The following CDCA2 variants were observed in gnomAD, a reference collection of about 807,000 sequenced individuals.
CDCA2 encodes cell division cycle-associated protein 2.
Under a neutral mutation model 67.0 loss-of-function variants are expected in CDCA2, and 44 were observed. The observed-to-expected ratio is 0.66, with a 90% confidence interval of 0.52 to 0.84. CDCA2 has a LOEUF of 0.84. CDCA2 is among the 40% of genes least tolerant of loss of function. The pLI is 0.00. For synonymous variants in CDCA2, 447 were observed against 418.7 expected (o/e 1.07, Z -0.82); for missense variants, 1,253 against 1,203.2 (o/e 1.04, Z -0.61).
chr8:25,462,191 C>A lies in CDCA2; in HGVS notation c.370C>A (p.Gln124Lys). 1 of 1,614,110 alleles carries A rather than the reference C, an allele frequency of 6.2e-7. No individual in the cohort carries two copies. Among genetic ancestry groups the A allele is most frequent in the Non-Finnish European group, 8.5e-7 (1 of 1,179,964 alleles). Reference sequence around the variant, plus strand: ...GAATGCTAGGAAATCTCCTTTGGCACAAGATTCTCCTTCCCAGGTATGATT... The same window carrying A: ...GAATGCTAGGAAATCTCCTTTGGCAAAAGATTCTCCTTCCCAGGTATGATT... ...IKNARKSPLA[Q>K]DSPSQGSPAL... The change falls in exon 4 of 15, where the codon CAA (glutamine) becomes AAA (lysine). Residue 124 changes from glutamine to lysine, a missense_variant. By Grantham distance (53) the Gln-to-Lys change is moderately conservative. Coordinates refer to ENST00000330560, the MANE Select transcript of CDCA2 (RefSeq NM_152562.4).
At chr8:25,501,397 A>C (rs1053878505) in intron 13 of CDCA2, among the ~76,000 whole-genome samples, 3 of 152,160 alleles carry the variant, frequency 2.0e-5, no homozygotes, top group Admixed American at 1.3e-4. Flanking sequence ...TTAAGATCAA[A>C]CGTTGACACT....
chr8:25,461,861 A>T (rs2117473586), intron 3 of CDCA2, among the ~76,000 whole-genome samples, 193 bp from the exon 4 acceptor site: 1 of 152,366 alleles, frequency 6.6e-6, no homozygotes, highest in Admixed American at 6.5e-5. Context: ...AGGAGCATAG[A>T]CTAAGTCAGC....
chr8:25,486,380 T>C (rs1004258126), intron 11 of CDCA2, among the ~76,000 whole-genome samples: 2 of 152,238 alleles, frequency 1.3e-5, no homozygotes, highest in African/African-American at 2.4e-5. Flanking sequence ...TAATGGCTTC[T>C]TGTTGACACA....
intron 8 of CDCA2, among the ~76,000 whole-genome samples, chr8:25,480,360 T>A (rs1314525892): frequency 6.6e-6 from 1 of 152,166 alleles, no homozygotes; most frequent in Admixed American, 6.5e-5. Context: ...GTAAGTAGAC[T>A]GTAGTTTATA....
chr8:25,465,299 G>C (rs1329344607), intron 4 of CDCA2, among the ~76,000 whole-genome samples: 1 of 151,950 alleles, frequency 6.6e-6, no homozygotes, highest in Non-Finnish European at 1.5e-5. Context: ...CTTAAACGGA[G>C]GTAATTTTTA....
chr8:25,489,815 A>G (rs1366777386), intron 13 of CDCA2, among the ~76,000 whole-genome samples: 1 of 152,174 alleles, frequency 6.6e-6, no homozygotes, highest in Non-Finnish European at 1.5e-5. Flanking sequence ...GGGTAATTTC[A>G]TACACAGCAT....
At chr8:25,486,874 A>G (rs546207136) in intron 11 of CDCA2, among the ~76,000 whole-genome samples, 109 of 152,324 alleles carry the variant, frequency 7.2e-4, no homozygotes, top group African/African-American at 2.4e-3. Flanking sequence ...AAAATTTAAA[A>G]CAAAGTATTT....
In CDCA2 at chr8:25,480,635, C is replaced by CAT. The variant is rs535724068; in HGVS notation, c.1032+521_1032+522dup. 7.4e-4 allele frequency among the ~76,000 whole-genome samples: 113 copies of CAT among 152,038 alleles called. 1 individual carries two copies. Among genetic ancestry groups the CAT allele is most frequent in the African/African-American group, 2.6e-3 (106 of 41,478 alleles). The stretch of plus-strand genomic sequence containing the variant: ...GAGTAGTTTCTGTTGACAGTTCTGG[C>CAT]ATATATATATAACAGTAGTGCTCCG... On this transcript the variant is annotated intron_variant, in intron 8 of 14. Transcript: ENST00000330560.
rs1804700108 is a variant in CDCA2 at position 25,506,845 on chromosome 8, C to T, written c.2179C>T (p.Pro727Ser). The stretch of plus-strand genomic sequence containing the variant: ...TGAAGAACGTGTGGCATCAGATAGT[C>T]CCAAACCTGCTCTGACCCTGCAGCA... ...VTEERVASDS[P>S]KPALTLQQGQ... Residue 727 changes from proline to serine, a missense_variant, in exon 15 of 15, where the codon CCC (proline) becomes TCC (serine). Coordinates refer to ENST00000330560, the MANE Select transcript of CDCA2 (RefSeq NM_152562.4). 3.1e-6 allele frequency: 5 copies of T among 1,613,968 alleles called. No individual in the cohort carries two copies. Among genetic ancestry groups the T allele is most frequent in the African/African-American group, 2.7e-5 (2 of 75,002 alleles).
intron 14 of CDCA2, among the ~76,000 whole-genome samples, chr8:25,506,095 CCT>C (rs925468914): frequency 9.2e-5 from 14 of 152,162 alleles, no homozygotes; most frequent in Admixed American, 7.2e-4. Context: ...TTTTCCCTCC[CCT>C]GTTTCGGAGG....
At chr8:25,466,747 A>T (rs1802916227) in intron 5 of CDCA2, among the ~76,000 whole-genome samples, 1 of 152,116 alleles carries the variant, frequency 6.6e-6, no homozygotes, top group South Asian at 2.1e-4. Context: ...CTGATGTTAA[A>T]AACAAATATA....
In CDCA2 at chr8:25,464,495, A is replaced by G. The variant is rs180904277; in HGVS notation, c.388-1680A>G. Reference sequence around the variant, plus strand: ...TGCATGGAAGGAAGGTTGTTGACTGACCGACACAATTCCTAAAACAAAAAC... The same window carrying G: ...TGCATGGAAGGAAGGTTGTTGACTGGCCGACACAATTCCTAAAACAAAAAC... On this transcript the variant is annotated intron_variant, in intron 4 of 14. Coordinates refer to ENST00000330560, the MANE Select transcript of CDCA2 (RefSeq NM_152562.4). Among the ~76,000 whole-genome samples the G allele has an allele frequency of 5.9e-5, 9 of 152,362 alleles. No individual in the cohort carries two copies. In the East Asian group the frequency reaches 1.7e-3, roughly 29 times the overall value.
Position 25,466,392 on chromosome 8 carries a change from A to G in CDCA2, c.538+67A>G, listed in dbSNP as rs1802904775. Reference sequence around the variant, plus strand: ...TAAAGACAAGCTTCTGAGTTATGAAATGATTTAGTGTGAAGCCAATCTTTT... The same window carrying G: ...TAAAGACAAGCTTCTGAGTTATGAAGTGATTTAGTGTGAAGCCAATCTTTT... On this transcript the variant is annotated intron_variant, in intron 5 of 14. Coordinates refer to ENST00000330560, the MANE Select transcript of CDCA2 (RefSeq NM_152562.4). 6.3e-6 allele frequency: 9 copies of G among 1,417,880 alleles called. No homozygotes were observed. The South Asian group carries it at 1.2e-4, about 19-fold the overall frequency. 87.8% of individuals were successfully genotyped at this position (1,417,880 alleles called of 1,614,324 possible).
Position 25,507,785 on chromosome 8 carries a change from A to G in CDCA2, c.*47A>G, listed in dbSNP as rs373675263. On this transcript the variant is annotated 3_prime_UTR_variant, in exon 15 of 15. Coordinates refer to ENST00000330560, the MANE Select transcript of CDCA2 (RefSeq NM_152562.4). ...GTGGCAAGAGGGAAAGTAACCATCT[A>G]TGCTGAAATGATCTGTCTAGTTCCC... 9 of 1,552,708 alleles carry G rather than the reference A, an allele frequency of 5.8e-6. No individual in the cohort carries two copies. Among genetic ancestry groups the G allele is most frequent in the Non-Finnish European group, 6.1e-6 (7 of 1,155,652 alleles).
chr8:25,468,488 C>A, intron 6 of CDCA2, 75 bp downstream of exon 6: 2 of 1,201,516 alleles, frequency 1.7e-6, no homozygotes, highest in Non-Finnish European at 2.4e-6. Flanking sequence ...GCTGTCAGTG[C>A]CGTTCTTCAA....
chr8:25,502,817 A>G (rs532619161), intron 13 of CDCA2, among the ~76,000 whole-genome samples: 124 of 152,310 alleles, frequency 8.1e-4, no homozygotes, highest in African/African-American at 2.7e-3. Context: ...GTGGAAATGT[A>G]GAAAGCTACC....
At chr8:25,485,886 T>C in intron 11 of CDCA2, 49 bp downstream of exon 11, 1 of 1,070,508 alleles carries the variant, frequency 9.3e-7, no homozygotes, top group Non-Finnish European at 1.4e-6. Flanking sequence ...TTTATATGTG[T>C]ATATGTTGAT....
At chr8:25,460,334 G>A (rs1339419493) in intron 2 of CDCA2, 34 bp downstream of exon 2, 1 of 1,613,952 alleles carries the variant, frequency 6.2e-7, no homozygotes, top group African/African-American at 1.3e-5. Context: ...TGAAGTTGAA[G>A]GTTTAGACAG....
intron 13 of CDCA2, among the ~76,000 whole-genome samples, chr8:25,497,492 T>TA (rs535097107): frequency 0.33 from 11,156 of 33,356 alleles, 895 homozygotes; most frequent in Admixed American, 0.41. Context: ...GTGGAATCTT[T>TA]AAAAAATAAA....
Sources: gnomAD v4.1 joint callset for allele counts (sites outside exome capture counted in the v4.1 genomes callset) on GRCh38, gnomAD v4.1.1 for gene constraint, MANE v1.5 for transcripts, NCBI Gene and HGNC (gene_info 2026-07-23, HGNC 2026-07-21) for gene names.